Variants in CCL2 observed in about 807,000 individuals in gnomAD.
CCL2 encodes the protein C-C motif chemokine 2.
A neutral mutation model predicts 6.7 loss-of-function variants in CCL2; 2 were observed. The ratio of observed to expected loss-of-function variants is 0.30; its 90% CI spans 0.12 to 0.94. The LOEUF (loss-of-function observed/expected upper bound fraction) is 0.94. CCL2 is among the 40% of genes least tolerant of loss of function. CCL2 has a pLI of 0.54. For synonymous variants in CCL2, 43 were observed against 45.2 expected, an observed-to-expected ratio of 0.95 and a Z score of 0.19; for missense variants, 89 against 119.3, an observed-to-expected ratio of 0.75 and a Z score of 1.18.
intron 1 of CCL2, 143 bp downstream of exon 1, chr17:34,255,568 G>A (rs1402813000): frequency 1.7e-5 from 11 of 648,032 alleles, no homozygotes; most frequent in Non-Finnish European, 2.9e-5. Flanking sequence ...CAAGGGGTGA[G>A]CCCAACCACA....
Position 34,256,924 on chromosome 17 carries a change from T to C in CCL2, c.*97T>C. The C allele has an allele frequency of 2.8e-6, 2 of 702,654 alleles. No individual in the cohort carries two copies. The allele number at this position is 702,654 out of a possible 1,614,324, so 43.5% of individuals were successfully genotyped here. A position where few individuals can be genotyped will look rare whatever the true frequency, so the allele number is the denominator to read the frequency against. The stretch of plus-strand genomic sequence containing the variant: ...ATTTTATTATAATGAATTTTGTTTG[T>C]TGATGTGAAACATTATGCCTTAAGT... On this transcript the variant is annotated 3_prime_UTR_variant, in exon 3 of 3. Coordinates refer to ENST00000225831, the MANE Select transcript of CCL2 (RefSeq NM_002982.4).
chr17:34,256,558 A>G (rs779990429), intron 2 of CCL2, 164 bp from the exon 3 acceptor site: 2 of 618,134 alleles, frequency 3.2e-6, no homozygotes, highest in East Asian at 5.5e-5. Context: ...TGAAGTCAGG[A>G]TGGCTCCACC....
chr17:34,256,481 G>GA (rs1907690102), intron 2 of CCL2, 142 bp downstream of exon 2: 1 of 661,170 alleles, frequency 1.5e-6, no homozygotes, highest in Non-Finnish European at 2.7e-6. Flanking sequence ...GGCACCAAGG[G>GA]AAAAAGTGAA....
intron 1 of CCL2, chr17:34,255,868 A>G: frequency 3.7e-6 from 1 of 273,034 alleles, no homozygotes; most frequent in Non-Finnish European, 6.9e-6. Context: ...TAGCCTATTC[A>G]GAGTCTAAAA....
intron 1 of CCL2, 153 bp downstream of exon 1, chr17:34,255,578 A>T (rs1907661506): frequency 1.7e-6 from 1 of 599,358 alleles, no homozygotes. Flanking sequence ...GCCCAACCAC[A>T]CAGCTGCTGC....
At chr17:34,256,160 T>A (rs1907678525) in intron 1 of CCL2, 62 bp from the exon 2 acceptor site, 1 of 1,146,344 alleles carries the variant, frequency 8.7e-7, no homozygotes, top group Admixed American at 1.9e-5. Flanking sequence ...TCTTTTCTGC[T>A]CTTAAGATCA....
chr17:34,256,923 G>T lies in CCL2; in HGVS notation c.*96G>T, dbSNP rs1907706829. Reference sequence around the variant, plus strand: ...TATTTTATTATAATGAATTTTGTTTGTTGATGTGAAACATTATGCCTTAAG... The same window carrying T: ...TATTTTATTATAATGAATTTTGTTTTTTGATGTGAAACATTATGCCTTAAG... On this transcript the variant is annotated 3_prime_UTR_variant, in exon 3 of 3. Coordinates refer to ENST00000225831, the MANE Select transcript of CCL2 (RefSeq NM_002982.4). The T allele has an allele frequency of 1.4e-6, 1 of 703,590 alleles. No individual in the cohort carries two copies. Among genetic ancestry groups the T allele is most frequent in the Non-Finnish European group, 2.4e-6 (1 of 412,728 alleles). The allele number at this position is 703,590 out of a possible 1,614,324, so 43.6% of individuals were successfully genotyped here.
chr17:34,256,158 G>T, intron 1 of CCL2, 64 bp from the exon 2 acceptor site: 2 of 1,121,236 alleles, frequency 1.8e-6, no homozygotes, highest in South Asian at 1.3e-5. Flanking sequence ...ACTCTTTTCT[G>T]CTCTTAAGAT....
At position 34,255,684 on chromosome 17, in the gene CCL2, C is replaced by G. The variant is rs76813041; in HGVS notation, c.76+259C>G. 739 of 448,642 alleles carry G rather than the reference C, an allele frequency of 1.6e-3. 9 individuals carry two copies. The highest frequency in any genetic ancestry group is 0.013 in the African/African-American group (658 of 49,684). The allele number at this position is 448,642 out of a possible 1,614,324, so 27.8% of individuals were successfully genotyped here. On this transcript the variant is annotated intron_variant, in intron 1 of 2. Coordinates refer to ENST00000225831, the MANE Select transcript of CCL2 (RefSeq NM_002982.4). ...GAACACACTCAGCGCAGTTACTCCC[C>G]CAGCTGCTTCCAGCAGAGTTTGGGG...
In CCL2 at chr17:34,256,712, C is replaced by T. The variant is rs1409909549; in HGVS notation, c.195-10C>T. ...GGAACTTCATCTAACTCTGTCCTCC[C>T]TCCCCACAGCTTCAAGACCATTGTG... On this transcript the variant is annotated splice_polypyrimidine_tract_variant and intron_variant, in intron 2 of 2. Transcript: ENST00000225831. 3 of 1,595,666 alleles carry T rather than the reference C, an allele frequency of 1.9e-6. No homozygotes were observed. Among genetic ancestry groups the T allele is most frequent in the Non-Finnish European group, 2.6e-6 (3 of 1,164,632 alleles).
chr17:34,255,376 C>T lies in CCL2; in HGVS notation c.27C>T (p.Cys9=), dbSNP rs1344709763. MKVSAALL[C]LLLIAATFIP... is the part of the protein sequence containing the mutation. ...TGAAAGTCTCTGCCGCCCTTCTGTG[C>T]CTGCTGCTCATAGCAGCCACCTTCA... The change falls in exon 1 of 3, where the codon TGC becomes TGT. Residue 9 remains cysteine (C), a synonymous_variant. Coordinates refer to ENST00000225831, the MANE Select transcript of CCL2 (RefSeq NM_002982.4). The T allele has an allele frequency of 6.2e-7, 1 of 1,613,958 alleles. No homozygotes were observed.
Position 34,257,103 on chromosome 17 carries a change from A to G in CCL2, c.*276A>G, listed in dbSNP as rs1203728123. ...GAGGGTCTTTGCAAGAATCATTAAT[A>G]CAAAGAATTTTTTTTAACATTCCAA... is the stretch of plus-strand genomic sequence containing the variant. On this transcript the variant is annotated 3_prime_UTR_variant, in exon 3 of 3. Transcript: ENST00000225831. 3.9e-6 allele frequency: 1 copy of G among 254,288 alleles called. No homozygotes were observed. Among genetic ancestry groups the G allele is most frequent in the East Asian group, 7.1e-5 (1 of 14,116 alleles). The allele number at this position is 254,288 out of a possible 1,614,324, so 15.8% of individuals were successfully genotyped here.
chr17:34,255,617 T>C (rs1907662590), intron 1 of CCL2, 192 bp downstream of exon 1: 1 of 555,150 alleles, frequency 1.8e-6, no homozygotes, highest in Non-Finnish European at 3.2e-6. Flanking sequence ...GAATTCCAGC[T>C]GTGAACCCCA....
intron 1 of CCL2, 73 bp downstream of exon 1, chr17:34,255,498 G>A: frequency 2.3e-6 from 3 of 1,319,424 alleles, no homozygotes; most frequent in East Asian, 2.3e-5. Flanking sequence ...CCAAGCAGAC[G>A]TGGTACCCAC....
intron 1 of CCL2, chr17:34,255,970 T>C (rs1240802688): frequency 2.5e-6 from 1 of 404,326 alleles, no homozygotes; most frequent in Admixed American, 4.4e-5. Flanking sequence ...AGGCATTATC[T>C]AGCTTTAACA....
chr17:34,255,287 G>T lies in CCL2; in HGVS notation c.-63G>T. The stretch of plus-strand genomic sequence containing the variant: ...CAGAGACAGCAGCCAGAGGAACCGA[G>T]AGGCTGAGACTAACCCAGAAACATC... On this transcript the variant is annotated 5_prime_UTR_variant, in exon 1 of 3. Transcript: ENST00000225831. 2 of 1,438,346 alleles carry T rather than the reference G, an allele frequency of 1.4e-6. No individual in the cohort carries two copies. The highest frequency in any genetic ancestry group is 9.7e-7 in the Non-Finnish European group (1 of 1,028,122). 89.1% of individuals were successfully genotyped at this position (1,438,346 alleles called of 1,614,324 possible).
intron 1 of CCL2, 148 bp downstream of exon 1, chr17:34,255,573 A>G (rs1038351484): frequency 9.7e-6 from 6 of 619,222 alleles, no homozygotes; most frequent in Admixed American, 3.1e-5. Flanking sequence ...GGTGAGCCCA[A>G]CCACACAGCT....
At chr17:34,256,146 T>A in intron 1 of CCL2, 76 bp from the exon 2 acceptor site, 1 of 1,018,572 alleles carries the variant, frequency 9.8e-7, no homozygotes, top group Middle Eastern at 2.1e-4. Flanking sequence ...TTTTTCCTCA[T>A]GACTCTTTTC....
chr17:34,256,925 T>C lies in CCL2; in HGVS notation c.*98T>C. 1.4e-6 allele frequency: 1 copy of C among 698,092 alleles called. No homozygotes were observed. The highest frequency in any genetic ancestry group is 2.5e-6 in the Non-Finnish European group (1 of 406,518). The allele number at this position is 698,092 out of a possible 1,614,324, so 43.2% of individuals were successfully genotyped here. A position where few individuals can be genotyped will look rare whatever the true frequency, so the allele number is the denominator to read the frequency against. On this transcript the variant is annotated 3_prime_UTR_variant, in exon 3 of 3. Transcript: ENST00000225831. The stretch of plus-strand genomic sequence containing the variant: ...TTTTATTATAATGAATTTTGTTTGT[T>C]GATGTGAAACATTATGCCTTAAGTA...
Sources: gnomAD v4.1 joint callset for allele counts on GRCh38, gnomAD v4.1.1 for gene constraint, MANE v1.5 for transcripts, NCBI Gene and HGNC (gene_info 2026-07-23, HGNC 2026-07-21) for gene names.